The following MTMR3 variants were observed in gnomAD, a reference collection of about 807,000 sequenced individuals.
MTMR3 encodes phosphatidylinositol-3,5-bisphosphate 3-phosphatase MTMR3.
A neutral mutation model predicts 132.4 loss-of-function variants in MTMR3; 32 were observed. The ratio of observed to expected loss-of-function variants is 0.24; its 90% CI spans 0.18 to 0.32. MTMR3 has a LOEUF of 0.32. Among genes scored for constraint, MTMR3 ranks in the 10% least tolerant of loss-of-function variants. MTMR3 has a pLI of 1.00. For missense variants in MTMR3, 1,216 were observed against 1,489.6 expected (o/e 0.82, Z 3.02); for synonymous variants, 556 against 550.3 (o/e 1.01, Z -0.14).
Position 30,016,691 on chromosome 22 carries a change from C to T in MTMR3, c.1667C>T (p.Ser556Leu). 6.2e-7 allele frequency: 1 copy of T among 1,612,530 alleles called. No individual in the cohort carries two copies. The highest frequency in any genetic ancestry group is 8.5e-7 in the Non-Finnish European group (1 of 1,179,100). Residue 556 changes from serine to leucine, a missense_variant, in exon 15 of 20, where the codon TCA (serine) becomes TTA (leucine). By Grantham distance (145) the Ser-to-Leu change is moderately radical. This residue lies in a region of MTMR3 where 852 missense variants were observed against 852.0 expected (regional missense o/e 1.00). Coordinates refer to ENST00000401950, the MANE Select transcript of MTMR3 (RefSeq NM_021090.4). ...AFKNLLYSSQ[S>L]EAVLYPVCHV... Reference sequence around the variant, plus strand: ...AAAAACCTACTGTATTCCTCTCAGTCAGAAGCCGTATGTATCCTTCAGCCT... The same window carrying T: ...AAAAACCTACTGTATTCCTCTCAGTTAGAAGCCGTATGTATCCTTCAGCCT...
At chr22:30,007,073 A>C in intron 9 of MTMR3, 41 bp from the exon 10 acceptor site, 1 of 1,603,800 alleles carries the variant, frequency 6.2e-7, no homozygotes, top group South Asian at 1.1e-5. Flanking sequence ...TACAGAGAGC[A>C]TCTGAATGGG....
intron 16 of MTMR3, chr22:30,018,878 C>T (rs2067669970): frequency 6.6e-6 from 1 of 152,094 alleles, no homozygotes; most frequent in Admixed American, 6.6e-5. Flanking sequence ...CACTGAGAAA[C>T]ACAGCAGCAT....
intron 2 of MTMR3, among the ~76,000 whole-genome samples, chr22:29,965,738 A>G (rs1023886018): frequency 6.6e-6 from 1 of 151,956 alleles, no homozygotes; most frequent in Non-Finnish European, 1.5e-5. Flanking sequence ...TAGCTTATGT[A>G]TATATATATA....
chr22:29,968,412 A>T (rs1271398832), intron 2 of MTMR3, among the ~76,000 whole-genome samples: 1 of 152,210 alleles, frequency 6.6e-6, no homozygotes, highest in African/African-American at 2.4e-5. Context: ...GTGTAATATT[A>T]GGACAGTTTT....
chr22:30,009,512 T>A lies in MTMR3; in HGVS notation c.1121+383T>A, dbSNP rs144810099. On this transcript the variant is annotated intron_variant, in intron 12 of 19. Transcript: ENST00000401950. ...GTCCCATAGTGATACATAACCTGTT[T>A]TGAACTGGGATGTTTTATCATGAAA... 3.9e-3 allele frequency: 682 copies of A among 175,136 alleles called. 6 individuals are homozygous for A. Among genetic ancestry groups the A allele is most frequent in the African/African-American group, 0.015 (643 of 42,042 alleles). 10.8% of individuals were successfully genotyped at this position (175,136 alleles called of 1,614,324 possible). A position where few individuals can be genotyped will look rare whatever the true frequency, so the allele number is the denominator to read the frequency against.
intron 2 of MTMR3, among the ~76,000 whole-genome samples, 175 bp downstream of exon 2, chr22:29,957,263 A>T (rs5763640): frequency 0.79 from 116,838 of 147,358 alleles, 46,751 homozygotes; most frequent in East Asian, 0.92. Flanking sequence ...ACATGTGATT[A>T]TTTTTTTTTT....
In MTMR3 at chr22:29,887,628, G is replaced by A. The variant is rs150409022; in HGVS notation, c.-138+4269G>A. Among the ~76,000 whole-genome samples the A allele has an allele frequency of 2.6e-4, 40 of 152,248 alleles. 1 individual carries two copies. Among genetic ancestry groups the A allele is most frequent in the African/African-American group, 9.4e-4 (39 of 41,524 alleles). Reference sequence around the variant, plus strand: ...TGTTGCAGGGACTTCAGAGGAACCTGGGATGTCTCACATTTATGCCAAGGT... The same window carrying A: ...TGTTGCAGGGACTTCAGAGGAACCTAGGATGTCTCACATTTATGCCAAGGT... On this transcript the variant is annotated intron_variant, in intron 1 of 19. Coordinates refer to ENST00000401950, the MANE Select transcript of MTMR3 (RefSeq NM_021090.4).
chr22:29,960,118 G>A (rs1444314618), intron 2 of MTMR3, among the ~76,000 whole-genome samples: 1 of 151,986 alleles, frequency 6.6e-6, no homozygotes, highest in Admixed American at 6.6e-5. Flanking sequence ...AGATGTAAAT[G>A]TATTTAATTT....
At chr22:29,941,659 T>C (rs566293905) in intron 1 of MTMR3, among the ~76,000 whole-genome samples, 1 of 152,348 alleles carries the variant, frequency 6.6e-6, no homozygotes, top group Admixed American at 6.5e-5. Context: ...ATGACTGATT[T>C]GAGAATACTT....
At chr22:29,987,068 C>T (rs1450157251) in intron 5 of MTMR3, 4 of 152,172 alleles carry the variant, frequency 2.6e-5, no homozygotes, top group Admixed American at 6.6e-5. Flanking sequence ...TTCTGACCCC[C>T]AGTCCTATTA....
At chr22:29,956,719 A>G (rs1481918460) in intron 1 of MTMR3, among the ~76,000 whole-genome samples, 1 of 152,120 alleles carries the variant, frequency 6.6e-6, no homozygotes, top group Non-Finnish European at 1.5e-5. Flanking sequence ...GCAACGATTT[A>G]CCCAAGAAGC....
At chr22:29,957,136 C>CT (rs1569023712) in intron 2 of MTMR3, 48 bp downstream of exon 2, 4 of 150,370 alleles carry the variant, frequency 2.7e-5, no homozygotes. Flanking sequence ...CTCCAATACT[C>CT]TCTCTGTGCT....
chr22:29,943,262 G>A (rs972870121), intron 1 of MTMR3, among the ~76,000 whole-genome samples: 3 of 151,342 alleles, frequency 2.0e-5, no homozygotes, highest in Non-Finnish European at 1.5e-5. Context: ...GCGCCATCTC[G>A]GCTCACTGCA....
chr22:30,009,213 GAAA>G, intron 12 of MTMR3, 84 bp downstream of exon 12: 1 of 965,582 alleles, frequency 1.0e-6, no homozygotes, highest in Non-Finnish European at 1.6e-6. Flanking sequence ...GGGAAAAAAA[GAAA>G]AAAAAATTAA....
chr22:29,970,951 T>TGGG, intron 2 of MTMR3, 25 bp from the exon 3 acceptor site: 1 of 680,380 alleles, frequency 1.5e-6, no homozygotes. Context: ...TTTTTCTTCT[T>TGGG]CCCCCTCTTC....
At position 30,018,036 on chromosome 22, in the gene MTMR3, C is replaced by G; in HGVS notation, c.1784C>G (p.Ala595Gly). 1 of 1,612,564 alleles carries G rather than the reference C, an allele frequency of 6.2e-7. No individual in the cohort carries two copies. The highest frequency in any genetic ancestry group is 8.5e-7 in the Non-Finnish European group (1 of 1,179,576). Residue 595 changes from alanine (A) to glycine (G), a missense_variant, in exon 16 of 20, where the codon GCC (alanine) becomes GGC (glycine). Around this residue, in one of 7 missense-constraint regions of MTMR3, gnomAD observed 852 missense variants for 852.0 expected, o/e 1.00. Coordinates refer to ENST00000401950, the MANE Select transcript of MTMR3 (RefSeq NM_021090.4). ...PVDDSCAPYP[A>G]PGTSPDDPPL... ...GACGACAGCTGTGCACCATACCCAG[C>G]CCCAGGCACCAGCCCTGATGATCCC...
At chr22:29,939,666 A>G (rs549037093) in intron 1 of MTMR3, among the ~76,000 whole-genome samples, 1 of 151,820 alleles carries the variant, frequency 6.6e-6, no homozygotes, top group African/African-American at 2.4e-5. Context: ...TTATAAAATA[A>G]GAACCGTAAT....
At chr22:29,988,289 T>G (rs994018138) in intron 5 of MTMR3, 191 bp from the exon 6 acceptor site, 5 of 385,780 alleles carry the variant, frequency 1.3e-5, no homozygotes, top group East Asian at 8.1e-5. Flanking sequence ...GACCACTGAT[T>G]TAGAGATAAA....
At position 30,017,780 on chromosome 22, in the gene MTMR3, C is replaced by CCT. The variant is rs545253604; in HGVS notation, c.1675-146_1675-145dup. On this transcript the variant is annotated intron_variant, in intron 15 of 19. Coordinates refer to ENST00000401950, the MANE Select transcript of MTMR3 (RefSeq NM_021090.4). Reference sequence around the variant, plus strand: ...CCTGTATTGGTCCTCTTGGGATAGACCTGTATCCATTGGTGCTGCTTCTTT... The same window carrying CCT: ...CCTGTATTGGTCCTCTTGGGATAGACCTCTGTATCCATTGGTGCTGCTTCTTT... 3.0e-4 allele frequency: 286 copies of CCT among 960,866 alleles called. 3 individuals are homozygous for CCT. In the African/African-American group the frequency reaches 4.2e-3, roughly 14 times the overall value. 59.5% of individuals were successfully genotyped at this position (960,866 alleles called of 1,614,324 possible). A position where few individuals can be genotyped will look rare whatever the true frequency, so the allele number is the denominator to read the frequency against.
Sources: gnomAD v4.1 joint callset for allele counts (sites outside exome capture counted in the v4.1 genomes callset) on GRCh38, gnomAD v4.1.1 for gene constraint, gnomAD v4.1.1 regional missense constraint, MANE v1.5 for transcripts, NCBI Gene and HGNC (gene_info 2026-07-23, HGNC 2026-07-21) for gene names.